CREB5: variants seen among roughly 807,000 people sequenced by gnomAD.
CREB5 encodes the protein cyclic AMP-responsive element-binding protein 5.
Under a neutral mutation model 57.1 loss-of-function variants are expected in CREB5, and 19 were observed. The observed-to-expected ratio is 0.33, with a 90% CI of 0.23 to 0.49. CREB5 has a LOEUF of 0.49. Among genes scored for constraint, CREB5 ranks in the 20% least tolerant of loss-of-function variants. The pLI, the probability that CREB5 is intolerant of heterozygous loss-of-function variation, is 0.99. For missense variants in CREB5, 579 were observed against 671.6 expected, an observed-to-expected ratio of 0.86 and a Z score of 1.52; for synonymous variants, 238 against 238.3, an observed-to-expected ratio of 1.00 and a Z score of 0.01.
chr7:28,643,303 A>C (rs1054211160), intron 5 of CREB5, among the ~76,000 whole-genome samples: 1 of 152,148 alleles, frequency 6.6e-6, no homozygotes, highest in Non-Finnish European at 1.5e-5. Flanking sequence ...CTTCCAGCTA[A>C]GTTTAGGGCA....
intron 7 of CREB5, among the ~76,000 whole-genome samples, chr7:28,776,553 C>T (rs1172851483): frequency 6.6e-6 from 1 of 152,142 alleles, no homozygotes; most frequent in African/African-American, 2.4e-5. Context: ...AGCTCTAATT[C>T]ACATACCATA....
At chr7:28,560,854 GTGTGCGTGTGCC>G (rs1181204489) in intron 4 of CREB5, among the ~76,000 whole-genome samples, 2 of 99,426 alleles carry the variant, frequency 2.0e-5, no homozygotes, top group African/African-American at 4.0e-5. Flanking sequence ...GCGCGTGTGT[GTGTGCGTGTGCC>G]TGCGTGCGCG....
intron 5 of CREB5, among the ~76,000 whole-genome samples, chr7:28,697,987 A>G (rs1801661028): frequency 6.6e-6 from 1 of 152,224 alleles, no homozygotes; most frequent in Non-Finnish European, 1.5e-5. Flanking sequence ...TTATAAAAAG[A>G]GAAGCTCATA....
intron 1 of CREB5, among the ~76,000 whole-genome samples, chr7:28,373,697 A>G (rs1485236956): frequency 1.3e-5 from 2 of 151,934 alleles, no homozygotes; most frequent in Non-Finnish European, 2.9e-5. Context: ...AAGTACTGGG[A>G]TTACAGGTGT....
intron 1 of CREB5, among the ~76,000 whole-genome samples, chr7:28,368,904 G>A (rs1282372281): frequency 1.3e-5 from 2 of 152,044 alleles, no homozygotes; most frequent in Non-Finnish European, 2.9e-5. Flanking sequence ...AAATTAGCTG[G>A]GCATGGTAGT....
chr7:28,624,719 G>A (rs1486551787), intron 5 of CREB5, among the ~76,000 whole-genome samples: 2 of 146,670 alleles, frequency 1.4e-5, no homozygotes, highest in Non-Finnish European at 1.5e-5. Context: ...GATTTCTTAT[G>A]CCTGCCTCCT....
chr7:28,314,587 A>C (rs76302237), intron 1 of CREB5, among the ~76,000 whole-genome samples: 3,427 of 152,290 alleles, frequency 0.023, 132 homozygotes, highest in African/African-American at 0.078. Context: ...AGATACAGAC[A>C]ACACACACAG....
At chr7:28,580,711 T>C (rs1379590460) in intron 5 of CREB5, among the ~76,000 whole-genome samples, 1 of 151,944 alleles carries the variant, frequency 6.6e-6, no homozygotes, top group Admixed American at 6.6e-5. Context: ...ATTATTGCCA[T>C]TAGGAATAAT....
intron 5 of CREB5, among the ~76,000 whole-genome samples, chr7:28,701,073 G>C (rs1432719918): frequency 2.0e-5 from 3 of 151,896 alleles, no homozygotes; most frequent in Non-Finnish European, 4.4e-5. Flanking sequence ...GAAGCATTAA[G>C]AGCTATTCGA....
At chr7:28,527,688 G>T (rs1311055994) in intron 4 of CREB5, among the ~76,000 whole-genome samples, 1 of 152,136 alleles carries the variant, frequency 6.6e-6, no homozygotes, top group Non-Finnish European at 1.5e-5. Flanking sequence ...AGGCATGGTG[G>T]TGCATGCCTG....
chr7:28,556,555 T>G (rs145097946), intron 4 of CREB5, among the ~76,000 whole-genome samples: 2 of 152,276 alleles, frequency 1.3e-5, no homozygotes, highest in African/African-American at 4.8e-5. Flanking sequence ...TTTTTACCCT[T>G]CTGACTTAAT....
At chr7:28,717,876 T>C (rs1202816405) in intron 5 of CREB5, among the ~76,000 whole-genome samples, 1 of 152,230 alleles carries the variant, frequency 6.6e-6, no homozygotes, top group African/African-American at 2.4e-5. Flanking sequence ...CATGAGGAGA[T>C]TGAGAATTTA....
At chr7:28,552,106 A>T (rs1005065519) in intron 4 of CREB5, among the ~76,000 whole-genome samples, 6 of 145,550 alleles carry the variant, frequency 4.1e-5, no homozygotes, top group Non-Finnish European at 7.4e-5. Context: ...CAATGGTGCA[A>T]TCTCAGCTCA....
At chr7:28,419,252 T>C (rs1788139296) in intron 1 of CREB5, among the ~76,000 whole-genome samples, 1 of 152,226 alleles carries the variant, frequency 6.6e-6, no homozygotes, top group African/African-American at 2.4e-5. Context: ...TCTGTACAGA[T>C]TCATTTGTTG....
At chr7:28,798,752 CAGAA>C (rs1227202071) in intron 7 of CREB5, among the ~76,000 whole-genome samples, 1 of 152,208 alleles carries the variant, frequency 6.6e-6, no homozygotes, top group Non-Finnish European at 1.5e-5. Flanking sequence ...TAGAAGATGA[CAGAA>C]AGTCGACAAG....
chr7:28,579,177 G>A (rs553129785), intron 5 of CREB5, among the ~76,000 whole-genome samples: 11 of 152,120 alleles, frequency 7.2e-5, no homozygotes, highest in African/African-American at 1.9e-4. Context: ...ATGCTTTCTC[G>A]TAGCTCAAAT....
chr7:28,340,850 C>G (rs1319471146), intron 1 of CREB5, among the ~76,000 whole-genome samples: 1 of 152,208 alleles, frequency 6.6e-6, no homozygotes, highest in African/African-American at 2.4e-5. Context: ...TAGGGTTTGT[C>G]TAAATGCTCC....
chr7:28,783,927 C>T (rs952487276), intron 7 of CREB5, among the ~76,000 whole-genome samples: 3 of 152,168 alleles, frequency 2.0e-5, no homozygotes, highest in Non-Finnish European at 4.4e-5. Context: ...GACAGAGTGC[C>T]GATACACTGG....
intron 5 of CREB5, chr7:28,686,005 G>A: frequency 1.3e-6 from 1 of 799,400 alleles, no homozygotes; most frequent in East Asian, 2.7e-5. Context: ...CGAGAGCCCA[G>A]CCGGAGGGAG....
Sources: allele counts gnomAD v4.1 joint callset (sites outside exome capture counted in the v4.1 genomes callset), GRCh38; gene constraint gnomAD v4.1.1; transcripts MANE v1.5; gene names NCBI Gene and HGNC (gene_info 2026-07-23, HGNC 2026-07-21).